The following CBFA2T3 variants were observed in gnomAD, a reference collection of about 807,000 sequenced individuals.
The protein encoded by CBFA2T3 is CBFA2/RUNX1 partner transcriptional co-repressor 3, also known as transcriptional corepressor CBFA2T3.
In CBFA2T3, 31 loss-of-function variants were observed where a neutral mutation model predicts 58.6. That is an observed-to-expected ratio of 0.53 (90% CI 0.40 to 0.71). CBFA2T3 has a LOEUF of 0.71. Ranked by LOEUF, CBFA2T3 falls within the 30% of genes least tolerant of loss-of-function variation. The pLI is 0.00. For missense variants in CBFA2T3, 1,076 were observed against 963.1 expected (o/e 1.12, Z -1.55); for synonymous variants, 531 against 421.9 (o/e 1.26, Z -3.17).
chr16:88,879,126 G>T (rs1968961106), intron 11 of CBFA2T3, 144 bp downstream of exon 11: 2 of 682,830 alleles, frequency 2.9e-6, no homozygotes, highest in Non-Finnish European at 5.0e-6. Flanking sequence ...AGCACAGTGT[G>T]GGCGGGGATG....
chr16:88,875,448 A>G lies in CBFA2T3; in HGVS notation c.*1528T>C. ...TGAGGGGTGGCTGGGCAGGAGCACC[A>G]GGGCTATGTACACGGTCAGGGTCTT... On this transcript the variant is annotated 3_prime_UTR_variant, in exon 12 of 12. Transcript: ENST00000268679. The G allele has an allele frequency of 4.3e-6, 1 of 233,170 alleles. No homozygotes were observed. Among genetic ancestry groups the G allele is most frequent in the Non-Finnish European group, 8.5e-6 (1 of 118,154 alleles). 14.4% of individuals were successfully genotyped at this position (233,170 alleles called of 1,614,324 possible). A position where few individuals can be genotyped will look rare whatever the true frequency, so the allele number is the denominator to read the frequency against.
At chr16:88,922,823 C>T (rs567030829) in intron 1 of CBFA2T3, among the ~76,000 whole-genome samples, 1 of 152,234 alleles carries the variant, frequency 6.6e-6, no homozygotes, top group African/African-American at 2.4e-5. Flanking sequence ...ACATGGCCAA[C>T]AAAATACTAA....
chr16:88,972,308 C>A (rs868200624), intron 1 of CBFA2T3, among the ~76,000 whole-genome samples: 6 of 152,162 alleles, frequency 3.9e-5, no homozygotes, highest in Non-Finnish European at 8.8e-5. Context: ...CTGCTCTGTG[C>A]CAGTGGAGCC....
At chr16:88,916,200 G>A (rs552832253) in intron 1 of CBFA2T3, among the ~76,000 whole-genome samples, 5 of 151,328 alleles carry the variant, frequency 3.3e-5, no homozygotes, top group Admixed American at 6.6e-5. Context: ...GTGTGTGTCC[G>A]TGTACATGCA....
intron 10 of CBFA2T3, 158 bp from the exon 11 acceptor site, chr16:88,879,618 C>A (rs1968984801): frequency 1.6e-6 from 1 of 636,826 alleles, no homozygotes; most frequent in Admixed American, 2.8e-5. Context: ...GGGCTGTAGG[C>A]AGCTGAACAC....
At chr16:88,901,411 C>T (rs1482293121) in intron 2 of CBFA2T3, 93 bp downstream of exon 2, 22 of 634,150 alleles carry the variant, frequency 3.5e-5, no homozygotes, top group East Asian at 1.3e-4. Flanking sequence ...AGAAGGTGCC[C>T]GCTGGCTCCG....
At chr16:88,906,596 C>T (rs746257674) in intron 1 of CBFA2T3, among the ~76,000 whole-genome samples, 1 of 152,216 alleles carries the variant, frequency 6.6e-6, no homozygotes, top group Non-Finnish European at 1.5e-5. Context: ...GAAAGGGGAC[C>T]GTCTCTGTCT....
At chr16:88,969,069 C>T (rs377530459) in intron 1 of CBFA2T3, among the ~76,000 whole-genome samples, 8 of 152,318 alleles carry the variant, frequency 5.3e-5, no homozygotes, top group African/African-American at 1.9e-4. Flanking sequence ...GAGGAATCCC[C>T]CATCCTCTCG....
At chr16:88,973,619 G>A (rs548442750) in intron 1 of CBFA2T3, among the ~76,000 whole-genome samples, 2 of 150,984 alleles carry the variant, frequency 1.3e-5, no homozygotes, top group African/African-American at 2.4e-5. Context: ...AGAACATTCC[G>A]GACCCAGAAC....
In CBFA2T3 at chr16:88,916,459, G is replaced by A. The variant is rs557119269; in HGVS notation, c.152-14803C>T. Among the ~76,000 whole-genome samples the A allele has an allele frequency of 3.6e-3, 545 of 152,212 alleles. 1 individual carries two copies. The highest frequency in any genetic ancestry group is 0.013 in the African/African-American group (524 of 41,508). On this transcript the variant is annotated intron_variant, in intron 1 of 11. Transcript: ENST00000268679. Reference sequence around the variant, plus strand: ...GTGTGTGCACTCACGTGCACATGTGGGTGTATGTGTGCGTGTGTATTCCTG... The same window carrying A: ...GTGTGTGCACTCACGTGCACATGTGAGTGTATGTGTGCGTGTGTATTCCTG...
At chr16:88,896,089 T>C (rs1488206603) in intron 3 of CBFA2T3, among the ~76,000 whole-genome samples, 1 of 152,084 alleles carries the variant, frequency 6.6e-6, no homozygotes, top group Non-Finnish European at 1.5e-5. Context: ...CCTGACTGGT[T>C]TTATGGGTCG....
intron 1 of CBFA2T3, among the ~76,000 whole-genome samples, chr16:88,903,708 G>A (rs1410401623): frequency 7.0e-6 from 1 of 143,548 alleles, no homozygotes; most frequent in Admixed American, 7.0e-5. Flanking sequence ...GGCGTTCCTG[G>A]TGGGGGCAGC....
At chr16:88,897,419 C>T (rs1251587094) in intron 3 of CBFA2T3, among the ~76,000 whole-genome samples, 1 of 152,258 alleles carries the variant, frequency 6.6e-6, no homozygotes, top group East Asian at 1.9e-4. Flanking sequence ...TCAAGCATGG[C>T]TGCACTCAGT....
chr16:88,966,013 C>G (rs932961775), intron 1 of CBFA2T3, among the ~76,000 whole-genome samples: 1 of 152,200 alleles, frequency 6.6e-6, no homozygotes, highest in Admixed American at 6.5e-5. Context: ...AACAGAGAGA[C>G]CCCACAGAGC....
rs1300020000 is a variant in CBFA2T3 at position 88,875,900 on chromosome 16, C to G, written c.*1076G>C. On this transcript the variant is annotated 3_prime_UTR_variant, in exon 12 of 12. Transcript: ENST00000268679. ...GTCCTTTCCTACACATATGGAGACG[C>G]AGGCCGGAGCAACGGCACACGGACC... is the stretch of plus-strand genomic sequence containing the variant. The G allele has an allele frequency of 4.3e-6, 1 of 233,180 alleles. No individual in the cohort carries two copies. Among genetic ancestry groups the G allele is most frequent in the African/African-American group, 2.2e-5 (1 of 45,310 alleles). The allele number at this position is 233,180 out of a possible 1,614,324, so 14.4% of individuals were successfully genotyped here.
At chr16:88,904,411 C>A (rs1378860771) in intron 1 of CBFA2T3, among the ~76,000 whole-genome samples, 1 of 152,212 alleles carries the variant, frequency 6.6e-6, no homozygotes, top group Non-Finnish European at 1.5e-5. Flanking sequence ...CAAGGTCACA[C>A]CGCGAGTGTG....
intron 1 of CBFA2T3, among the ~76,000 whole-genome samples, chr16:88,904,031 C>T (rs748464443): frequency 1.3e-5 from 2 of 152,200 alleles, no homozygotes; most frequent in Non-Finnish European, 2.9e-5. Flanking sequence ...GCCAGGAGAC[C>T]GCTGGGCCGT....
chr16:88,934,312 C>T (rs1309797585), intron 1 of CBFA2T3, among the ~76,000 whole-genome samples: 2 of 152,258 alleles, frequency 1.3e-5, no homozygotes, highest in Non-Finnish European at 2.9e-5. Flanking sequence ...CCGACTTGGG[C>T]CCATAGGGGA....
chr16:88,965,536 G>C (rs897290611), intron 1 of CBFA2T3, among the ~76,000 whole-genome samples: 6 of 152,270 alleles, frequency 3.9e-5, no homozygotes, highest in African/African-American at 1.2e-4. Flanking sequence ...CAGGGGGCTA[G>C]GTCCCTGCGG....
Sources: gnomAD v4.1 joint callset for allele counts (sites outside exome capture counted in the v4.1 genomes callset) on GRCh38, gnomAD v4.1.1 for gene constraint, MANE v1.5 for transcripts, NCBI Gene and HGNC (gene_info 2026-07-23, HGNC 2026-07-21) for gene names.